SCN10A: variants seen among roughly 807,000 people sequenced by gnomAD.
The protein encoded by SCN10A is sodium channel protein type 10 subunit alpha.
Under a neutral mutation model 170.7 loss-of-function variants are expected in SCN10A, and 162 were observed. That is an observed-to-expected ratio of 0.95 (90% CI 0.84 to 1.08). The LOEUF is 1.08. Ranked by LOEUF, SCN10A falls within the 50% of genes least tolerant of loss-of-function variation. SCN10A has a pLI of 0.00. For missense variants in SCN10A, 2,527 were observed against 2,436.9 expected (o/e 1.04, Z -0.78); for synonymous variants, 985 against 904.6 (o/e 1.09, Z -1.59).
chr3:38,768,645 A>G (rs2126038709), intron 5 of SCN10A, among the ~76,000 whole-genome samples: 1 of 152,236 alleles, frequency 6.6e-6, no homozygotes, highest in East Asian at 1.9e-4. Flanking sequence ...CCTTTCCTTT[A>G]TAGGTTATCT....
rs146531964 is a variant in SCN10A, at chr3:38,811,017, G to T, written c.-33+5020C>A. 3.7e-3 allele frequency among the ~76,000 whole-genome samples: 562 copies of T among 152,238 alleles called. 5 individuals are homozygous for T. The highest frequency in any genetic ancestry group is 0.017 in the Middle Eastern group (5 of 294). On this transcript the variant is annotated intron_variant, in intron 1 of 27. Coordinates refer to ENST00000449082, the MANE Select transcript of SCN10A (RefSeq NM_006514.4). ...AAGAAACTTATGTTTCAAGAGGATA[G>T]GGTAGTGATTATAATCTTGGATACT...
intron 4 of SCN10A, among the ~76,000 whole-genome samples, chr3:38,777,817 G>C (rs1335509238): frequency 6.6e-6 from 1 of 151,940 alleles, no homozygotes; most frequent in Non-Finnish European, 1.5e-5. Flanking sequence ...GAACCACTTG[G>C]GAAATGATGT....
chr3:38,809,572 G>A (rs2064426881), intron 1 of SCN10A, among the ~76,000 whole-genome samples: 1 of 152,214 alleles, frequency 6.6e-6, no homozygotes, highest in Non-Finnish European at 1.5e-5. Context: ...ATGTGGTGTA[G>A]TGGGAAAAGC....
chr3:38,698,514 G>T lies in SCN10A; in HGVS notation c.4706C>A (p.Pro1569Gln), dbSNP rs1189755436. 6.2e-7 allele frequency: 1 copy of T among 1,614,026 alleles called. No homozygotes were observed. Among genetic ancestry groups the T allele is most frequent in the South Asian group, 1.1e-5 (1 of 91,070 alleles). The part of the protein sequence containing the change: ...ILKSLQSYFS[P>Q]TLFRVIRLAR... The stretch of plus-strand genomic sequence containing the variant: ...CAGGCGGATGACTCTGAAGAGCGTT[G>T]GGGAGAAGTAACTTTGAAGTGACTT... Residue 1569 changes from proline to glutamine, a missense_variant, in exon 28 of 28, where the codon CCA becomes CAA. Coordinates refer to ENST00000449082, the MANE Select transcript of SCN10A (RefSeq NM_006514.4).
intron 1 of SCN10A, among the ~76,000 whole-genome samples, chr3:38,795,958 T>G (rs1342935347): frequency 6.6e-6 from 1 of 152,176 alleles, no homozygotes; most frequent in East Asian, 1.9e-4. Flanking sequence ...GTACTTAAAC[T>G]CAGGTATGTT....
intron 13 of SCN10A, among the ~76,000 whole-genome samples, chr3:38,748,476 T>C (rs985939184): frequency 1.1e-4 from 17 of 152,316 alleles, no homozygotes; most frequent in Admixed American, 8.5e-4. Context: ...CAATGTTGGG[T>C]ACTATTTCAA....
chr3:38,801,183 G>A (rs1331962592), intron 1 of SCN10A, among the ~76,000 whole-genome samples: 4 of 152,102 alleles, frequency 2.6e-5, no homozygotes, highest in East Asian at 1.9e-4. Context: ...TCATAAACTC[G>A]CTATCTCCTG....
chr3:38,777,678 G>A (rs1394228057), intron 4 of SCN10A, among the ~76,000 whole-genome samples: 4 of 151,990 alleles, frequency 2.6e-5, no homozygotes, highest in Non-Finnish European at 5.9e-5. Context: ...CATGTGAATC[G>A]ACCAGGTCAA....
chr3:38,799,010 T>C lies in SCN10A; in HGVS notation c.-32-4968A>G, dbSNP rs1295136243. Among the ~76,000 whole-genome samples the C allele has an allele frequency of 2.0e-5, 3 of 151,938 alleles. No homozygotes were observed. In the East Asian group the frequency reaches 5.8e-4, roughly 29 times the overall value. On this transcript the variant is annotated intron_variant, in intron 1 of 27. Coordinates refer to ENST00000449082, the MANE Select transcript of SCN10A (RefSeq NM_006514.4). ...GTTCCCCAGGCTGGTCTCAAACTCC[T>C]GGGCTCAAGCAATCTTCCCACCTCA...
chr3:38,697,793 C>T lies in SCN10A; in HGVS notation c.5427G>A (p.Lys1809=). The change falls in exon 28 of 28, where the codon AAG becomes AAA. Residue 1809 remains lysine, a synonymous_variant. Coordinates refer to ENST00000449082, the MANE Select transcript of SCN10A (RefSeq NM_006514.4). ...HCLDILFAFT[K]NVLGESGELD... ...ACTCCCCGGATTCTCCTAGGACATT[C>T]TTGGTGAAAGCAAAAAGGATGTCCA... 1.2e-6 allele frequency: 2 copies of T among 1,614,168 alleles called. No homozygotes were observed. The highest frequency in any genetic ancestry group is 1.7e-6 in the Non-Finnish European group (2 of 1,180,034).
At chr3:38,718,201 T>C (rs2063352225) in intron 21 of SCN10A, among the ~76,000 whole-genome samples, 2 of 152,156 alleles carry the variant, frequency 1.3e-5, no homozygotes, top group Non-Finnish European at 2.9e-5. Flanking sequence ...GTAGTGGTGG[T>C]CGGTCACTGC....
At chr3:38,721,219 G>C (rs907803121) in intron 20 of SCN10A, among the ~76,000 whole-genome samples, 3 of 152,178 alleles carry the variant, frequency 2.0e-5, no homozygotes, top group East Asian at 1.9e-4. Flanking sequence ...ATATTTAGTA[G>C]GTTGTTTTTA....
intron 27 of SCN10A, among the ~76,000 whole-genome samples, chr3:38,698,875 G>C (rs567961754): frequency 3.3e-5 from 5 of 152,308 alleles, no homozygotes; most frequent in African/African-American, 9.6e-5. Context: ...TCAGCTGGAA[G>C]TGACTGCAGT....
chr3:38,786,182 T>C (rs181035483), intron 4 of SCN10A, among the ~76,000 whole-genome samples: 9 of 152,184 alleles, frequency 5.9e-5, no homozygotes, highest in Admixed American at 3.9e-4. Flanking sequence ...AGCATGCGTA[T>C]GTTTATTGTG....
intron 7 of SCN10A, 70 bp from the exon 8 acceptor site, chr3:38,760,817 A>G: frequency 1.6e-6 from 2 of 1,271,764 alleles, no homozygotes; most frequent in Non-Finnish European, 2.3e-6. Flanking sequence ...TGTGTGGTGA[A>G]TGCAATATTC....
intron 14 of SCN10A, among the ~76,000 whole-genome samples, chr3:38,741,056 C>T (rs1397076973): frequency 6.6e-6 from 1 of 152,164 alleles, no homozygotes; most frequent in Non-Finnish European, 1.5e-5. Flanking sequence ...ACTGCTGCCC[C>T]TTTCACAGCC....
intron 13 of SCN10A, among the ~76,000 whole-genome samples, chr3:38,745,132 GAA>G (rs932077005): frequency 2.1e-4 from 32 of 152,196 alleles, no homozygotes; most frequent in African/African-American, 7.2e-4. Context: ...GGCATGATGG[GAA>G]AAGAGAGGCA....
intron 19 of SCN10A, among the ~76,000 whole-genome samples, chr3:38,723,179 G>T (rs2063413127): frequency 6.6e-6 from 1 of 152,102 alleles, no homozygotes; most frequent in Non-Finnish European, 1.5e-5. Flanking sequence ...ACTCACGGAG[G>T]GGTTTTTGAG....
intron 14 of SCN10A, among the ~76,000 whole-genome samples, chr3:38,740,010 T>C (rs554867521): frequency 1.3e-5 from 2 of 152,300 alleles, no homozygotes; most frequent in East Asian, 3.9e-4. Flanking sequence ...GGTTCAGTAG[T>C]TAAAACGTGT....
Sources: allele counts gnomAD v4.1 joint callset (sites outside exome capture counted in the v4.1 genomes callset), GRCh38; gene constraint gnomAD v4.1.1; transcripts MANE v1.5; gene names NCBI Gene and HGNC (gene_info 2026-07-23, HGNC 2026-07-21).